Variants in SHISA9 observed in about 807,000 individuals in gnomAD.
SHISA9 encodes the protein shisa family member 9.
Under a neutral mutation model 38.0 loss-of-function variants are expected in SHISA9, and 13 were observed. The observed-to-expected ratio is 0.34, with a 90% CI of 0.22 to 0.54. SHISA9 has a LOEUF of 0.54. Ranked by LOEUF, SHISA9 falls within the 20% of genes least tolerant of loss-of-function variation. The pLI, the probability that SHISA9 is intolerant of heterozygous loss-of-function variation, is 0.91. For missense variants in SHISA9, 538 were observed against 575.8 expected (o/e 0.93, Z 0.67); for synonymous variants, 275 against 242.0 (o/e 1.14, Z -1.27).
At chr16:13,351,134 C>G in the SHISA9 span, among the ~76,000 whole-genome samples, 1 of 152,060 alleles carries the variant, frequency 6.6e-6, no homozygotes, top group Non-Finnish European at 1.5e-5. Flanking sequence ...AAACAGATAC[C>G]TTTCTCAGAA....
At chr16:12,987,961 C>G (rs2072334893) in intron 2 of SHISA9, among the ~76,000 whole-genome samples, 1 of 152,182 alleles carries the variant, frequency 6.6e-6, no homozygotes, top group South Asian at 2.1e-4. Context: ...GGGGGCTGGT[C>G]TCCAGTGTTC....
chr16:13,409,909 G>T, the SHISA9 span, among the ~76,000 whole-genome samples: 1 of 152,232 alleles, frequency 6.6e-6, no homozygotes, highest in Non-Finnish European at 1.5e-5. Context: ...AAACTTTGCA[G>T]TAAATACATC....
the SHISA9 span, among the ~76,000 whole-genome samples, chr16:13,284,387 T>A: frequency 5.9e-5 from 9 of 152,302 alleles, no homozygotes; most frequent in South Asian, 1.9e-3. Context: ...AACAGAAGCA[T>A]TAACATTTTC....
the SHISA9 span, among the ~76,000 whole-genome samples, chr16:13,360,291 C>T: frequency 6.3e-4 from 96 of 152,310 alleles, no homozygotes; most frequent in African/African-American, 2.2e-3. Flanking sequence ...CACTTCAGTT[C>T]CCCACTGTGT....
intron 2 of SHISA9, among the ~76,000 whole-genome samples, chr16:13,173,183 A>G (rs1008676895): frequency 1.8e-4 from 27 of 149,152 alleles, no homozygotes; most frequent in Admixed American, 2.0e-4. Flanking sequence ...ACACACATTC[A>G]TTCTCACTCA....
At chr16:13,357,366 G>A in the SHISA9 span, among the ~76,000 whole-genome samples, 52 of 152,186 alleles carry the variant, frequency 3.4e-4, no homozygotes, top group Non-Finnish European at 6.9e-4. Flanking sequence ...AAGATTGAAA[G>A]GAGAAAGAGG....
At chr16:13,423,604 A>C in the SHISA9 span, among the ~76,000 whole-genome samples, 1 of 152,286 alleles carries the variant, frequency 6.6e-6, no homozygotes. Context: ...ATAACAAATT[A>C]TCGTACATTT....
At chr16:13,124,446 A>T (rs1451598114) in intron 2 of SHISA9, among the ~76,000 whole-genome samples, 1 of 152,144 alleles carries the variant, frequency 6.6e-6, no homozygotes, top group Non-Finnish European at 1.5e-5. Flanking sequence ...TAGAGTATGA[A>T]GCATCTGGGG....
At chr16:12,938,332 T>C (rs2064532799) in intron 2 of SHISA9, among the ~76,000 whole-genome samples, 1 of 152,236 alleles carries the variant, frequency 6.6e-6, no homozygotes. Flanking sequence ...CTTTTCTTGC[T>C]AGACAAGTCT....
At chr16:13,392,159 T>C in the SHISA9 span, among the ~76,000 whole-genome samples, 7 of 152,170 alleles carry the variant, frequency 4.6e-5, no homozygotes, top group East Asian at 1.9e-4. Context: ...ACACCTGTTA[T>C]GGATTAGTTG....
At chr16:12,923,513 G>C (rs1250180115) in intron 2 of SHISA9, among the ~76,000 whole-genome samples, 1 of 151,998 alleles carries the variant, frequency 6.6e-6, no homozygotes, top group Non-Finnish European at 1.5e-5. Flanking sequence ...GCATGACAGA[G>C]CAAAACTCTG....
At chr16:13,482,432 C>G in the SHISA9 span, among the ~76,000 whole-genome samples, 2 of 152,238 alleles carry the variant, frequency 1.3e-5, no homozygotes, top group Admixed American at 1.3e-4. Flanking sequence ...TCCTGTCACC[C>G]TTTTCTCATA....
chr16:13,067,387 G>A (rs1346013471), intron 2 of SHISA9, among the ~76,000 whole-genome samples: 3 of 152,200 alleles, frequency 2.0e-5, no homozygotes, highest in Admixed American at 6.5e-5. Context: ...TTCTAGATGA[G>A]TGATGTTGGG....
chr16:13,117,464 G>A (rs1439715969), intron 2 of SHISA9, among the ~76,000 whole-genome samples: 2 of 152,190 alleles, frequency 1.3e-5, no homozygotes, highest in East Asian at 1.9e-4. Flanking sequence ...TTGGTAAAAA[G>A]GGTCTTGCAG....
At chr16:13,178,326 G>T (rs948123064) in intron 2 of SHISA9, among the ~76,000 whole-genome samples, 2 of 142,384 alleles carry the variant, frequency 1.4e-5, no homozygotes, top group Admixed American at 7.0e-5. Context: ...CTCTCTCTGG[G>T]TTTTTTTTTT....
intron 3 of SHISA9, among the ~76,000 whole-genome samples, chr16:13,209,161 A>G (rs200007869): frequency 9.9e-5 from 15 of 152,170 alleles, no homozygotes; most frequent in African/African-American, 3.6e-4. Flanking sequence ...TTAGCCTGAC[A>G]TATGTCAGTC....
the SHISA9 span, among the ~76,000 whole-genome samples, chr16:13,514,770 T>C: frequency 6.6e-6 from 1 of 152,146 alleles, no homozygotes; most frequent in African/African-American, 2.4e-5. Context: ...TGACCAAAAA[T>C]TTTATGCTAA....
the SHISA9 span, among the ~76,000 whole-genome samples, chr16:13,379,631 T>C: frequency 6.6e-6 from 1 of 152,212 alleles, no homozygotes; most frequent in Non-Finnish European, 1.5e-5. Context: ...CTGTTTCCAG[T>C]CCCTGTGCCT....
chr16:13,032,844 T>C (rs1224722907), intron 2 of SHISA9, among the ~76,000 whole-genome samples: 1 of 140,238 alleles, frequency 7.1e-6, no homozygotes, highest in African/African-American at 2.6e-5. Context: ...GAAGTCATAG[T>C]TTTGACCTTT....
Sources: allele counts gnomAD v4.1 joint callset (sites outside exome capture counted in the v4.1 genomes callset), GRCh38; gene constraint gnomAD v4.1.1; transcripts MANE v1.5; gene names NCBI Gene and HGNC (gene_info 2026-07-23, HGNC 2026-07-21).